The following LRRIQ3 variants were observed in gnomAD, a reference collection of about 807,000 sequenced individuals.
LRRIQ3 encodes leucine rich repeats and IQ motif containing 3, also known as leucine-rich repeat and IQ domain-containing protein 3.
Under a neutral mutation model 59.3 loss-of-function variants are expected in LRRIQ3, and 75 were observed. That is an observed-to-expected ratio of 1.26 (90% CI 1.05 to 1.53). LRRIQ3 has a LOEUF of 1.53. Among genes scored for constraint, LRRIQ3 ranks in the 40% most tolerant of loss-of-function variants. LRRIQ3 has a pLI of 0.00. For missense variants in LRRIQ3, 831 were observed against 710.0 expected (o/e 1.17, Z -1.94); for synonymous variants, 250 against 231.3 (o/e 1.08, Z -0.73).
At chr1:74,183,865 A>C (rs746778276) in intron 1 of LRRIQ3, among the ~76,000 whole-genome samples, 181 bp from the exon 2 acceptor site, 4 of 152,030 alleles carry the variant, frequency 2.6e-5, no homozygotes, top group Non-Finnish European at 4.4e-5. Context: ...ACATTTCAAT[A>C]ACAGCCAATC....
chr1:74,168,002 G>A (rs1049336074), intron 3 of LRRIQ3, among the ~76,000 whole-genome samples: 1 of 151,800 alleles, frequency 6.6e-6, no homozygotes, highest in African/African-American at 2.4e-5. Context: ...TTTGATTTAA[G>A]GATATATATA....
Position 74,155,749 on chromosome 1 carries a change from C to G in LRRIQ3, c.691G>C (p.Val231Leu). ...IVQRWIRGFL[V>L]RKNLSPVFFH... ...AAAACATACCTCAAATTTTTTCTAA[C>G]TAAGAAACCACGTATCCATCTTTGA... Residue 231 changes from valine (V) to leucine (L), a missense_variant, in exon 4 of 8, where the codon GTT becomes CTT. Physicochemically the swap from Val to Leu is conservative, Grantham distance 32. Transcript: ENST00000354431. The G allele has an allele frequency of 6.4e-7, 1 of 1,569,182 alleles. No homozygotes were observed. Among genetic ancestry groups the G allele is most frequent in the Non-Finnish European group, 8.6e-7 (1 of 1,166,094 alleles).
chr1:74,081,180 A>T (rs1426629963), intron 5 of LRRIQ3, among the ~76,000 whole-genome samples: 1 of 151,624 alleles, frequency 6.6e-6, no homozygotes, highest in African/African-American at 2.4e-5. Flanking sequence ...GAATCCAAAA[A>T]GAATAGCCTG....
chr1:74,037,066 T>G (rs997262751), intron 7 of LRRIQ3, among the ~76,000 whole-genome samples: 2 of 152,242 alleles, frequency 1.3e-5, no homozygotes, highest in African/African-American at 2.4e-5. Flanking sequence ...TCAGTGGTTG[T>G]TATATGACTT....
At position 74,154,239 on chromosome 1, in the gene LRRIQ3, TCAAAAAAAAAAAAA is replaced by T. The variant is rs1444755369; in HGVS notation, c.707+1480_707+1493del. On this transcript the variant is annotated intron_variant, in intron 4 of 7. Coordinates refer to ENST00000354431, the MANE Select transcript of LRRIQ3 (RefSeq NM_001105659.2). ...CTGGGCGACAGAGCGAGACTCCTTC[TCAAAAAAAAAAAAA>T]AAAAAAAAAAAAAAAAAAAAAAAAA... 5.7e-4 allele frequency among the ~76,000 whole-genome samples: 13 copies of T among 22,844 alleles called. No individual in the cohort carries two copies. The East Asian group carries it at 6.4e-3, about 11-fold the overall frequency. The allele number at this position is 22,844 out of a possible 152,430, so 15.0% of individuals were successfully genotyped here. A position where few individuals can be genotyped will look rare whatever the true frequency, so the allele number is the denominator to read the frequency against.
At chr1:74,105,184 A>G (rs1646592435) in intron 5 of LRRIQ3, among the ~76,000 whole-genome samples, 2 of 152,096 alleles carry the variant, frequency 1.3e-5, no homozygotes, top group South Asian at 4.1e-4. Context: ...ATTAACTATG[A>G]ACACTATTAA....
chr1:74,116,245 C>T (rs1191494322), intron 4 of LRRIQ3, among the ~76,000 whole-genome samples: 1 of 152,044 alleles, frequency 6.6e-6, no homozygotes, highest in Non-Finnish European at 1.5e-5. Context: ...ATACCTGGAG[C>T]TCTTGCCCTT....
intron 7 of LRRIQ3, among the ~76,000 whole-genome samples, chr1:74,033,013 G>A (rs758407588): frequency 2.6e-5 from 4 of 152,020 alleles, no homozygotes; most frequent in Admixed American, 6.6e-5. Context: ...CTAAAATTTC[G>A]TTGGGAAATA....
chr1:74,154,450 G>C (rs1648200736), intron 4 of LRRIQ3, among the ~76,000 whole-genome samples: 1 of 151,906 alleles, frequency 6.6e-6, no homozygotes, highest in Non-Finnish European at 1.5e-5. Flanking sequence ...TTTAAAGAGA[G>C]AGAAAATACA....
intron 4 of LRRIQ3, among the ~76,000 whole-genome samples, chr1:74,124,875 GT>G (rs1646913241): frequency 6.6e-6 from 1 of 151,782 alleles, no homozygotes; most frequent in African/African-American, 2.4e-5. Flanking sequence ...TTTTAGGATT[GT>G]TTTCTCTATT....
At chr1:74,194,958 T>C (rs1038174137) in intron 1 of LRRIQ3, among the ~76,000 whole-genome samples, 1 of 152,084 alleles carries the variant, frequency 6.6e-6, no homozygotes, top group Non-Finnish European at 1.5e-5. Flanking sequence ...TCCTGGTATT[T>C]GGACAAAGTA....
At chr1:74,183,745 C>A in intron 1 of LRRIQ3, 61 bp from the exon 2 acceptor site, 2 of 1,403,818 alleles carry the variant, frequency 1.4e-6, no homozygotes, top group South Asian at 1.8e-5. Flanking sequence ...TACCTGAAAA[C>A]AAACAAAATT....
chr1:74,065,607 T>C (rs558121563), intron 6 of LRRIQ3, among the ~76,000 whole-genome samples: 1 of 152,298 alleles, frequency 6.6e-6, no homozygotes, highest in South Asian at 2.1e-4. Context: ...CTTTAAATCA[T>C]ATATCGTTTA....
chr1:74,138,353 T>C (rs957872811), intron 4 of LRRIQ3: 1 of 300,394 alleles, frequency 3.3e-6, no homozygotes, highest in Non-Finnish European at 4.9e-6. Flanking sequence ...AAAAAGTCTA[T>C]TTTCAGCTAT....
chr1:74,048,248 A>G (rs1006391302), intron 6 of LRRIQ3, among the ~76,000 whole-genome samples: 2 of 152,188 alleles, frequency 1.3e-5, no homozygotes, highest in Non-Finnish European at 2.9e-5. Flanking sequence ...AATGGATAAT[A>G]GGAGTGCTCA....
At chr1:74,133,684 G>C (rs1015001109) in intron 4 of LRRIQ3, among the ~76,000 whole-genome samples, 8 of 150,284 alleles carry the variant, frequency 5.3e-5, no homozygotes, top group Non-Finnish European at 1.0e-4. Context: ...GACACAAAAA[G>C]GGAACATCAC....
intron 4 of LRRIQ3, among the ~76,000 whole-genome samples, chr1:74,148,071 C>T (rs944930885): frequency 1.3e-5 from 2 of 151,696 alleles, no homozygotes; most frequent in Non-Finnish European, 2.9e-5. Context: ...ATATTTTTTC[C>T]TTTGGAATCT....
chr1:74,103,895 T>TG (rs1646569939), intron 5 of LRRIQ3, among the ~76,000 whole-genome samples: 1 of 151,830 alleles, frequency 6.6e-6, no homozygotes, highest in Non-Finnish European at 1.5e-5. Context: ...CACCGTGACT[T>TG]GCCAGCTCTG....
intron 5 of LRRIQ3, 114 bp downstream of exon 5, chr1:74,109,280 A>G (rs968499494): frequency 6.5e-6 from 5 of 770,364 alleles, no homozygotes; most frequent in Non-Finnish European, 1.1e-5. Flanking sequence ...CAGGATATTA[A>G]CAATGTAATG....
Sources: gnomAD v4.1 joint callset for allele counts (sites outside exome capture counted in the v4.1 genomes callset) on GRCh38, gnomAD v4.1.1 for gene constraint, MANE v1.5 for transcripts, NCBI Gene and HGNC (gene_info 2026-07-23, HGNC 2026-07-21) for gene names.